RAB7A: variants seen among roughly 807,000 people sequenced by gnomAD.
RAB7A encodes the protein ras-related protein Rab-7a.
A neutral mutation model predicts 24.5 loss-of-function variants in RAB7A; 2 were observed. The observed-to-expected ratio is 0.08, with a 90% CI of 0.03 to 0.26. RAB7A has a LOEUF of 0.26. Ranked by LOEUF, RAB7A falls within the 10% of genes least tolerant of loss-of-function variation. RAB7A has a pLI of 1.00. For missense variants in RAB7A, 118 were observed against 255.7 expected (o/e 0.46, Z 3.67); for synonymous variants, 100 against 95.9 (o/e 1.04, Z -0.25).
intron 1 of RAB7A, among the ~76,000 whole-genome samples, chr3:128,727,247 G>A (rs2070389614): frequency 6.6e-6 from 1 of 152,228 alleles, no homozygotes; most frequent in Non-Finnish European, 1.5e-5. Context: ...ACTTAACACA[G>A]TGGGAAGTTG....
At chr3:128,802,437 C>G (rs1437444066) in intron 3 of RAB7A, among the ~76,000 whole-genome samples, 1 of 152,102 alleles carries the variant, frequency 6.6e-6, no homozygotes, top group Non-Finnish European at 1.5e-5. Context: ...ACAGGGTGCA[C>G]CTCTCTGGTA....
chr3:128,771,063 G>A (rs750449369), intron 1 of RAB7A, among the ~76,000 whole-genome samples: 1 of 151,544 alleles, frequency 6.6e-6, no homozygotes, highest in African/African-American at 2.4e-5. Context: ...CCCACTTCCC[G>A]GGTTCAAGCG....
At chr3:128,802,907 CA>C (rs1442630821) in intron 3 of RAB7A, among the ~76,000 whole-genome samples, 2 of 152,108 alleles carry the variant, frequency 1.3e-5, no homozygotes, top group Non-Finnish European at 2.9e-5. Flanking sequence ...CCGATTCAGG[CA>C]ATTCTCCTGC....
chr3:128,753,614 C>T (rs1375566512), intron 1 of RAB7A, among the ~76,000 whole-genome samples: 6 of 152,098 alleles, frequency 3.9e-5, no homozygotes, highest in Admixed American at 2.0e-4. Flanking sequence ...GGGGGAAGTC[C>T]AAAATCAAGG....
Position 128,763,208 on chromosome 3 carries a change from A to ATAT in RAB7A, c.-8-32151_-8-32150insATT, listed in dbSNP as rs373993932. Among the ~76,000 whole-genome samples the ATAT allele has an allele frequency of 3.2e-3, 240 of 76,086 alleles. 5 individuals carry two copies. Among genetic ancestry groups the ATAT allele is most frequent in the Admixed American group, 0.011 (61 of 5,776 alleles). The allele number at this position is 76,086 out of a possible 152,430, so 49.9% of individuals were successfully genotyped here. ...TTAGCTTATATATATATATATATAT[A>ATAT]TTTTTTTTTTTTTTTTTTTTTTTTG... On this transcript the variant is annotated intron_variant, in intron 1 of 5. Transcript: ENST00000265062.
At chr3:128,773,149 G>A (rs549664654) in intron 1 of RAB7A, among the ~76,000 whole-genome samples, 16 of 151,792 alleles carry the variant, frequency 1.1e-4, no homozygotes, top group Middle Eastern at 3.4e-3. Context: ...AGTAAGGAGC[G>A]TCTCTGCCCG....
At chr3:128,758,177 T>A (rs1229173075) in intron 1 of RAB7A, among the ~76,000 whole-genome samples, 8 of 152,078 alleles carry the variant, frequency 5.3e-5, no homozygotes, top group African/African-American at 1.4e-4. Context: ...TTGGTTAGGC[T>A]GGATTTGAAT....
At chr3:128,768,559 T>G (rs575026644) in intron 1 of RAB7A, among the ~76,000 whole-genome samples, 1 of 152,152 alleles carries the variant, frequency 6.6e-6, no homozygotes, top group Non-Finnish European at 1.5e-5. Flanking sequence ...TGTTTTGTTT[T>G]GTTTTGTTTT....
intron 3 of RAB7A, among the ~76,000 whole-genome samples, chr3:128,805,160 TCTC>T (rs1339183155): frequency 6.6e-6 from 1 of 152,090 alleles, no homozygotes; most frequent in Non-Finnish European, 1.5e-5. Context: ...TGGGGTCACT[TCTC>T]CACTGACAGA....
At chr3:128,790,823 T>C (rs1037206268) in intron 1 of RAB7A, among the ~76,000 whole-genome samples, 7 of 152,160 alleles carry the variant, frequency 4.6e-5, no homozygotes, top group Admixed American at 4.6e-4. Flanking sequence ...AAGGGACATT[T>C]CTTGTGTATT....
intron 3 of RAB7A, among the ~76,000 whole-genome samples, chr3:128,799,562 T>C (rs1441251595): frequency 6.6e-6 from 1 of 152,192 alleles, no homozygotes; most frequent in Non-Finnish European, 1.5e-5. Context: ...CATGGCATGC[T>C]CCTAGAGGAT....
chr3:128,793,599 TATG>T (rs1306765240), intron 1 of RAB7A, among the ~76,000 whole-genome samples: 2 of 152,214 alleles, frequency 1.3e-5, no homozygotes, highest in Non-Finnish European at 2.9e-5. Context: ...TATCTTGAAA[TATG>T]ATACCAGACC....
intron 1 of RAB7A, among the ~76,000 whole-genome samples, chr3:128,727,387 T>C (rs2070391688): frequency 6.6e-6 from 1 of 151,484 alleles, no homozygotes; most frequent in Non-Finnish European, 1.5e-5. Flanking sequence ...CACGTACCCC[T>C]GAAGCTTGCT....
At position 128,776,133 on chromosome 3, in the gene RAB7A, G is replaced by T. The variant is rs1230540842; in HGVS notation, c.-8-19227G>T. ...AGATTCCACAGATAAGTGAGGTTAT[G>T]CTCTATTTGTCTTTCCTGTGCCAGG... On this transcript the variant is annotated intron_variant, in intron 1 of 5. Coordinates refer to ENST00000265062, the MANE Select transcript of RAB7A (RefSeq NM_004637.6). Among the ~76,000 whole-genome samples the T allele has an allele frequency of 2.6e-5, 4 of 152,218 alleles. No homozygotes were observed. In the South Asian group the frequency reaches 8.3e-4, roughly 32 times the overall value.
At chr3:128,765,271 C>T (rs1180713307) in intron 1 of RAB7A, among the ~76,000 whole-genome samples, 1 of 152,166 alleles carries the variant, frequency 6.6e-6, no homozygotes, top group African/African-American at 2.4e-5. Flanking sequence ...CCAGTACCCT[C>T]GCCTTTTCTA....
At chr3:128,786,436 T>C (rs1933343878) in intron 1 of RAB7A, among the ~76,000 whole-genome samples, 1 of 152,134 alleles carries the variant, frequency 6.6e-6, no homozygotes, top group African/African-American at 2.4e-5. Context: ...TGAGCAAATA[T>C]TGCTTGCCTA....
intron 1 of RAB7A, among the ~76,000 whole-genome samples, chr3:128,776,945 T>TACACAC (rs71153145): frequency 0.01 from 1,471 of 142,428 alleles, 17 homozygotes; most frequent in Non-Finnish European, 0.014. Flanking sequence ...TTAGTTGAGC[T>TACACAC]ACACACACAC....
chr3:128,731,008 G>A (rs2070430859), intron 1 of RAB7A, among the ~76,000 whole-genome samples: 1 of 152,194 alleles, frequency 6.6e-6, no homozygotes, highest in South Asian at 2.1e-4. Context: ...GGTCCTTCTT[G>A]TGTGGCTGCT....
At position 128,805,648 on chromosome 3, in the gene RAB7A, G is replaced by A. The variant is rs567942746; in HGVS notation, c.181-724G>A. Among the ~76,000 whole-genome samples the A allele has an allele frequency of 4.1e-4, 63 of 152,078 alleles. 1 individual carries two copies. The highest frequency in any genetic ancestry group is 4.0e-3 in the Admixed American group (61 of 15,264). On this transcript the variant is annotated intron_variant, in intron 3 of 5. Coordinates refer to ENST00000265062, the MANE Select transcript of RAB7A (RefSeq NM_004637.6). ...ACATGCTAATCTTTTTTGTTGTTTA[G>A]GCAAACTTTTCTCTTTTTTTTGAGA...
Sources: gnomAD v4.1 joint callset for allele counts (sites outside exome capture counted in the v4.1 genomes callset) on GRCh38, gnomAD v4.1.1 for gene constraint, MANE v1.5 for transcripts, NCBI Gene and HGNC (gene_info 2026-07-23, HGNC 2026-07-21) for gene names.